TRPS1: variants seen among roughly 807,000 people sequenced by gnomAD.
The protein encoded by TRPS1 is zinc finger transcription factor Trps1.
A neutral mutation model predicts 101.2 loss-of-function variants in TRPS1; 6 were observed. The ratio of observed to expected loss-of-function variants is 0.06; its 90% confidence interval spans 0.03 to 0.12. The LOEUF (loss-of-function observed/expected upper bound fraction) is 0.12. TRPS1 is among the 10% of genes least tolerant of loss of function. The pLI, the probability that TRPS1 is intolerant of heterozygous loss-of-function variation, is 1.00. For synonymous variants in TRPS1, 578 were observed against 589.8 expected (o/e 0.98, Z 0.29); for missense variants, 1,363 against 1,567.0 (o/e 0.87, Z 2.20).
At chr8:115,527,730 G>T (rs1415782984) in intron 5 of TRPS1, among the ~76,000 whole-genome samples, 2 of 151,920 alleles carry the variant, frequency 1.3e-5, no homozygotes, top group Admixed American at 1.3e-4. Context: ...TAGATGAAGA[G>T]ACATTTACCT....
In TRPS1 at chr8:115,619,634, G is replaced by A; in HGVS notation, c.464C>T (p.Thr155Ile). The change falls in exon 3 of 7, where the codon ACC (threonine) becomes ATC (isoleucine). Residue 155 changes from threonine to isoleucine, a missense_variant. Physicochemically the swap from Thr to Ile is moderately conservative, Grantham distance 89. Coordinates refer to ENST00000395715, the MANE Select transcript of TRPS1 (RefSeq NM_014112.5). ...TGTCTCCAGTGAGTCCCCTGAGGGGGTGCAGGCCATATCTTGAGGGTCATC... is the reference window on the plus strand; with the variant it reads ...TGTCTCCAGTGAGTCCCCTGAGGGGATGCAGGCCATATCTTGAGGGTCATC... Reference protein sequence around the residue: ...EADDPQDMACTPSGDSLETKE... With the variant: ...EADDPQDMACIPSGDSLETKE... 6.2e-7 allele frequency: 1 copy of A among 1,614,204 alleles called. No homozygotes were observed. Among genetic ancestry groups the A allele is most frequent in the Non-Finnish European group, 8.5e-7 (1 of 1,180,040 alleles).
At chr8:115,561,998 G>A (rs192328711) in intron 5 of TRPS1, among the ~76,000 whole-genome samples, 22 of 152,092 alleles carry the variant, frequency 1.4e-4, no homozygotes, top group East Asian at 5.8e-4. Context: ...GAAGAATTAC[G>A]TTTTCCCAGT....
intron 5 of TRPS1, among the ~76,000 whole-genome samples, chr8:115,544,259 T>G (rs1816520888): frequency 1.3e-5 from 2 of 151,158 alleles, no homozygotes; most frequent in Admixed American, 1.3e-4. Context: ...CAGGCCTCAT[T>G]TGCCTTATCA....
chr8:115,521,940 C>T (rs766523279), intron 5 of TRPS1, among the ~76,000 whole-genome samples: 8 of 151,728 alleles, frequency 5.3e-5, no homozygotes, highest in Non-Finnish European at 8.8e-5. Context: ...CATGAAGAGA[C>T]GAATTAATCT....
intron 5 of TRPS1, among the ~76,000 whole-genome samples, chr8:115,502,376 G>A (rs769352620): frequency 1.1e-4 from 17 of 152,030 alleles, no homozygotes; most frequent in Non-Finnish European, 1.9e-4. Context: ...AATACTGAAA[G>A]GCTTATTACC....
chr8:115,562,312 AAAGAAAATGGTTATTCACTTTC>A (rs2130371143), intron 5 of TRPS1, among the ~76,000 whole-genome samples: 1 of 152,258 alleles, frequency 6.6e-6, no homozygotes, highest in African/African-American at 2.4e-5. Flanking sequence ...TCCAATGGAT[AAAGAAAATGGTTATTCACTTTC>A]ATCAATTTTC....
chr8:115,541,030 C>T (rs1484837586), intron 5 of TRPS1, among the ~76,000 whole-genome samples: 1 of 151,992 alleles, frequency 6.6e-6, no homozygotes, highest in Non-Finnish European at 1.5e-5. Context: ...ATTTTATACA[C>T]TTATATAATA....
In TRPS1 at chr8:115,604,002, T is replaced by A. The variant is rs1288526508; in HGVS notation, c.1967A>T (p.Asp656Val). 1.2e-6 allele frequency: 2 copies of A among 1,613,832 alleles called. No homozygotes were observed. Among genetic ancestry groups the A allele is most frequent in the African/African-American group, 2.7e-5 (2 of 74,868 alleles). ...YESVHESQAS[D>V]VKQEANHLQG... ...CAGGTGATTTGCTTCTTGTTTGACA[T>A]CCGATGCTTGGGACTCATGCACACT... is the stretch of plus-strand genomic sequence containing the variant. Residue 656 changes from aspartate (D) to valine (V), a missense_variant, in exon 4 of 7, where the codon GAT becomes GTT. Around this residue, in one of 5 missense-constraint regions of TRPS1, gnomAD observed 1,020 missense variants for 1,073.0 expected, o/e 0.95. Coordinates refer to ENST00000395715, the MANE Select transcript of TRPS1 (RefSeq NM_014112.5). The surrounding 1 kb of genome is among the most constrained non-coding windows in gnomAD (Gnocchi z 4.1).
chr8:115,509,367 T>C (rs1815524883), intron 5 of TRPS1, among the ~76,000 whole-genome samples: 1 of 152,026 alleles, frequency 6.6e-6, no homozygotes, highest in African/African-American at 2.4e-5. Flanking sequence ...TGGAGACAGA[T>C]AAAAAATAAA....
At chr8:115,578,806 G>A (rs11989423) in intron 5 of TRPS1, among the ~76,000 whole-genome samples, 105,110 of 151,944 alleles carry the variant, frequency 0.69, 37,773 homozygotes, top group African/African-American at 0.89. Flanking sequence ...CAACTCTTTC[G>A]CAATAAGCAT....
intron 1 of TRPS1, among the ~76,000 whole-genome samples, chr8:115,654,664 T>C (rs1221478790): frequency 6.6e-6 from 1 of 152,196 alleles, no homozygotes. Flanking sequence ...AACTAGCTTC[T>C]TATTAGTGAC....
chr8:115,413,857 G>T lies in TRPS1; in HGVS notation c.*166C>A. The T allele has an allele frequency of 1.5e-6, 1 of 661,852 alleles. No individual in the cohort carries two copies. Among genetic ancestry groups the T allele is most frequent in the Non-Finnish European group, 2.5e-6 (1 of 396,376 alleles). The allele number at this position is 661,852 out of a possible 1,614,324, so 41.0% of individuals were successfully genotyped here. On this transcript the variant is annotated 3_prime_UTR_variant, in exon 7 of 7. Transcript: ENST00000395715. ...ACCATTTATCTCACTTTTTAATCTT[G>T]GTAACCTACTCATCAAAAGAAAGAA...
intron 1 of TRPS1, among the ~76,000 whole-genome samples, chr8:115,654,189 T>C (rs1470012539): frequency 6.6e-6 from 1 of 152,056 alleles, no homozygotes; most frequent in African/African-American, 2.4e-5. Context: ...TAAACATAAA[T>C]GGCATCCATA....
intron 5 of TRPS1, among the ~76,000 whole-genome samples, chr8:115,447,829 A>G (rs1330069730): frequency 6.6e-6 from 1 of 152,208 alleles, no homozygotes; most frequent in Non-Finnish European, 1.5e-5. Flanking sequence ...ATCACTGTAC[A>G]GAGATCTAGG....
chr8:115,493,003 C>T (rs1815065645), intron 5 of TRPS1, among the ~76,000 whole-genome samples: 1 of 152,136 alleles, frequency 6.6e-6, no homozygotes. Context: ...GTGTGAGCCA[C>T]CTTGCCTGGC....
intron 5 of TRPS1, among the ~76,000 whole-genome samples, chr8:115,462,579 C>T (rs954964914): frequency 3.3e-5 from 5 of 150,852 alleles, no homozygotes; most frequent in Admixed American, 2.6e-4. Flanking sequence ...TCTAGGTCCA[C>T]AAACAAAACT....
At chr8:115,525,386 T>C (rs944761311) in intron 5 of TRPS1, among the ~76,000 whole-genome samples, 12 of 152,110 alleles carry the variant, frequency 7.9e-5, no homozygotes, top group Non-Finnish European at 1.3e-4. Flanking sequence ...CTGTATTCTA[T>C]CTCTATCAGG....
intron 5 of TRPS1, among the ~76,000 whole-genome samples, chr8:115,473,854 G>A (rs2130026879): frequency 1.3e-5 from 2 of 152,304 alleles, no homozygotes; most frequent in Admixed American, 1.3e-4. Flanking sequence ...TATATGTTAT[G>A]TATGATTTAT....
At chr8:115,540,944 T>G (rs1439728975) in intron 5 of TRPS1, among the ~76,000 whole-genome samples, 2 of 152,160 alleles carry the variant, frequency 1.3e-5, no homozygotes, top group Non-Finnish European at 2.9e-5. Flanking sequence ...ACACCTCAAG[T>G]GATACATTTT....
Sources: allele counts gnomAD v4.1 joint callset (sites outside exome capture counted in the v4.1 genomes callset), GRCh38; gene constraint gnomAD v4.1.1; regional missense constraint gnomAD v4.1.1; non-coding constraint Gnocchi (gnomAD v3.1); transcripts MANE v1.5; gene names NCBI Gene and HGNC (gene_info 2026-07-23, HGNC 2026-07-21).